The following MAF variants were observed in gnomAD, a reference collection of about 807,000 sequenced individuals.
The protein encoded by MAF is MAF bZIP transcription factor.
In MAF, 10 loss-of-function variants were observed where a neutral mutation model predicts 22.0. The ratio of observed to expected loss-of-function variants is 0.45; its 90% CI spans 0.28 to 0.77. MAF has a LOEUF of 0.77. Ranked by LOEUF, MAF falls within the 30% of genes least tolerant of loss-of-function variation. MAF has a pLI of 0.12. For missense variants in MAF, 544 were observed against 548.4 expected, an observed-to-expected ratio of 0.99 and a Z score of 0.08; for synonymous variants, 337 against 255.8, an observed-to-expected ratio of 1.32 and a Z score of -3.03.
chr16:79,408,364 C>G, the MAF span, among the ~76,000 whole-genome samples: 16 of 152,036 alleles, frequency 1.1e-4, no homozygotes, highest in African/African-American at 3.6e-4. Flanking sequence ...TTAGTAGAGA[C>G]GGGGTTTCGC....
At chr16:79,437,774 T>C in the MAF span, among the ~76,000 whole-genome samples, 17 of 152,186 alleles carry the variant, frequency 1.1e-4, no homozygotes, top group Non-Finnish European at 2.1e-4. Flanking sequence ...AGGCTGGCAT[T>C]GGGCAGGCTC....
the MAF span, among the ~76,000 whole-genome samples, chr16:79,399,368 G>A: frequency 6.6e-6 from 1 of 152,154 alleles, no homozygotes; most frequent in Admixed American, 6.6e-5. Flanking sequence ...CTTGAAAGGA[G>A]GGAGCACTGC....
the MAF span, among the ~76,000 whole-genome samples, chr16:79,208,557 T>G: frequency 6.6e-6 from 1 of 152,226 alleles, no homozygotes; most frequent in Non-Finnish European, 1.5e-5. Context: ...TTTCATCTTT[T>G]CTGCATTATG....
At chr16:79,326,315 C>G in the MAF span, among the ~76,000 whole-genome samples, 5 of 152,152 alleles carry the variant, frequency 3.3e-5, no homozygotes, top group East Asian at 9.6e-4. Flanking sequence ...ACCTAGCATA[C>G]TAGGGGCTCC....
the MAF span, among the ~76,000 whole-genome samples, chr16:79,294,292 A>G: frequency 6.6e-5 from 10 of 152,208 alleles, no homozygotes; most frequent in Non-Finnish European, 1.5e-4. Flanking sequence ...TTGAGCAAAG[A>G]ATAGAATTGG....
At chr16:79,528,672 G>C in the MAF span, among the ~76,000 whole-genome samples, 2 of 149,124 alleles carry the variant, frequency 1.3e-5, no homozygotes, top group African/African-American at 4.9e-5. Context: ...AAAAAAAAAA[G>C]AAAGGCAAGA....
chr16:79,449,815 C>T, the MAF span, among the ~76,000 whole-genome samples: 1 of 152,328 alleles, frequency 6.6e-6, no homozygotes, highest in African/African-American at 2.4e-5. Context: ...AGACTCAGAT[C>T]CCCCAGGTAA....
chr16:79,586,164 C>G (rs1482126765), intron 1 of MAF, among the ~76,000 whole-genome samples: 4 of 152,188 alleles, frequency 2.6e-5, no homozygotes, highest in Non-Finnish European at 5.9e-5. Context: ...CAAGTTCACT[C>G]CCTCTGAACT....
Position 79,599,337 on chromosome 16 carries a change from G to A in MAF, c.566C>T (p.Ala189Val). The change falls in exon 1 of 2, where the codon GCC (alanine) becomes GTC (valine). Residue 189 changes from alanine (A) to valine (V), a missense_variant. Transcript: ENST00000326043. ...GGCCGTCGGGTGGTGGTGGTGGCCGGCGGCGTGGTGGTGGTGGTGGTGGTA... is the reference window on the plus strand; with the variant it reads ...GGCCGTCGGGTGGTGGTGGTGGCCGACGGCGTGGTGGTGGTGGTGGTGGTA... ...PHYHHHHHHA[A>V]GHHHHPTAGA... The A allele has an allele frequency of 1.0e-6, 1 of 989,406 alleles. No homozygotes were observed. 61.3% of individuals were successfully genotyped at this position (989,406 alleles called of 1,614,324 possible).
At chr16:79,210,421 A>C in the MAF span, among the ~76,000 whole-genome samples, 1 of 152,196 alleles carries the variant, frequency 6.6e-6, no homozygotes, top group Non-Finnish European at 1.5e-5. Flanking sequence ...CTGCATGGTC[A>C]CAATGTAAAC....
intron 1 of MAF, chr16:79,594,795 T>G: frequency 1.5e-6 from 2 of 1,309,404 alleles, no homozygotes; most frequent in Non-Finnish European, 9.8e-7. Context: ...TGCCTTTTAC[T>G]AGGAGTTAAC....
the MAF span, among the ~76,000 whole-genome samples, chr16:79,437,053 G>C: frequency 6.6e-6 from 1 of 152,166 alleles, no homozygotes; most frequent in Non-Finnish European, 1.5e-5. Context: ...GAATGGTCAT[G>C]TATCCCCCAC....
chr16:79,291,601 C>T, the MAF span, among the ~76,000 whole-genome samples: 6 of 151,282 alleles, frequency 4.0e-5, no homozygotes, highest in African/African-American at 1.5e-4. Context: ...TTCTGTTTTC[C>T]AGACTCTACT....
chr16:79,585,970 A>C, intron 1 of MAF: 1 of 670,188 alleles, frequency 1.5e-6, no homozygotes, highest in Admixed American at 2.6e-5. Flanking sequence ...TAAAATAAAC[A>C]AAGGGTAATT....
the MAF span, among the ~76,000 whole-genome samples, chr16:79,373,624 T>G: frequency 6.6e-6 from 1 of 151,894 alleles, no homozygotes; most frequent in African/African-American, 2.4e-5. Context: ...CTGACCCACC[T>G]GCCTCAGCCT....
chr16:79,222,217 A>G, the MAF span, among the ~76,000 whole-genome samples: 2 of 152,206 alleles, frequency 1.3e-5, no homozygotes, highest in Non-Finnish European at 2.9e-5. Context: ...TCAACCCAGG[A>G]TTTCATATCC....
the MAF span, among the ~76,000 whole-genome samples, chr16:79,357,756 T>C: frequency 6.6e-6 from 1 of 151,878 alleles, no homozygotes; most frequent in Non-Finnish European, 1.5e-5. Flanking sequence ...GATGAGGGAA[T>C]GATGGGCCAG....
At chr16:79,570,819 C>A in the MAF span, among the ~76,000 whole-genome samples, 3 of 152,180 alleles carry the variant, frequency 2.0e-5, no homozygotes, top group Non-Finnish European at 4.4e-5. Context: ...GACAGTCAAT[C>A]CAGCAAACAT....
chr16:79,519,959 T>A, the MAF span, among the ~76,000 whole-genome samples: 1 of 152,204 alleles, frequency 6.6e-6, no homozygotes, highest in East Asian at 1.9e-4. Flanking sequence ...CTTCTCCCTC[T>A]GGAAGGGAAC....
Sources: allele counts gnomAD v4.1 joint callset (sites outside exome capture counted in the v4.1 genomes callset), GRCh38; gene constraint gnomAD v4.1.1; transcripts MANE v1.5; gene names NCBI Gene and HGNC (gene_info 2026-07-23, HGNC 2026-07-21).